Variants in STX18 observed in about 807,000 individuals in gnomAD.
STX18 encodes syntaxin-18.
A neutral mutation model predicts 50.1 loss-of-function variants in STX18; 40 were observed. The observed-to-expected ratio is 0.80, with a 90% CI of 0.62 to 1.04. The LOEUF is 1.04. STX18 is among the 50% of genes least tolerant of loss of function. STX18 has a pLI of 0.00. For synonymous variants in STX18, 158 were observed against 151.8 expected (o/e 1.04, Z -0.30); for missense variants, 410 against 415.8 (o/e 0.99, Z 0.12).
Position 4,420,180 on chromosome 4 carries a change from G to T in STX18, c.913-51C>A. 6.7e-7 allele frequency: 1 copy of T among 1,491,814 alleles called. No individual in the cohort carries two copies. The highest frequency in any genetic ancestry group is 1.2e-5 in the South Asian group (1 of 83,182). 92.4% of individuals were successfully genotyped at this position (1,491,814 alleles called of 1,614,324 possible). On this transcript the variant is annotated intron_variant, in intron 10 of 10. Coordinates refer to ENST00000306200, the MANE Select transcript of STX18 (RefSeq NM_016930.4). The surrounding 1 kb of genome is among the most constrained non-coding windows in gnomAD (Gnocchi z 4.3). ...TTTTTATCACACAGGATTTTGGTTTGAGCAGCCCTGAAATGCCCCCCTCTT... is the reference window on the plus strand; with the variant it reads ...TTTTTATCACACAGGATTTTGGTTTTAGCAGCCCTGAAATGCCCCCCTCTT...
chr4:4,496,622 T>C (rs1729185172), intron 1 of STX18, among the ~76,000 whole-genome samples: 1 of 152,218 alleles, frequency 6.6e-6, no homozygotes, highest in South Asian at 2.1e-4. Flanking sequence ...ATATTTGTGC[T>C]ATTTTATAAT....
At chr4:4,480,144 GTAA>G (rs1463747327) in intron 1 of STX18, among the ~76,000 whole-genome samples, 4 of 152,228 alleles carry the variant, frequency 2.6e-5, no homozygotes, top group Non-Finnish European at 5.9e-5. Context: ...ATTGTAGGTG[GTAA>G]GATTTGGAGA....
chr4:4,541,649 G>T, intron 1 of STX18, 148 bp downstream of exon 1: 1 of 781,054 alleles, frequency 1.3e-6, no homozygotes, highest in Non-Finnish European at 1.9e-6. Context: ...CCAAAAAGCT[G>T]TAGGGTCTCT....
chr4:4,519,534 T>C (rs1221127065), intron 1 of STX18, among the ~76,000 whole-genome samples: 2 of 152,152 alleles, frequency 1.3e-5, no homozygotes, highest in Admixed American at 1.3e-4. Flanking sequence ...GAACAGTTAA[T>C]AGAATTAACA....
At position 4,538,711 on chromosome 4, in the gene STX18, T is replaced by C. The variant is rs78592464; in HGVS notation, c.168+3086A>G. On this transcript the variant is annotated intron_variant, in intron 1 of 10. Transcript: ENST00000306200. ...TATTATCACGTCCACTTTATAGAAATGGAAAACGAGAGTCAGACTTGCCCA... is the reference window on the plus strand; with the variant it reads ...TATTATCACGTCCACTTTATAGAAACGGAAAACGAGAGTCAGACTTGCCCA... 5.1e-3 allele frequency among the ~76,000 whole-genome samples: 776 copies of C among 152,084 alleles called. 8 individuals carry two copies. Among genetic ancestry groups the C allele is most frequent in the South Asian group, 0.042 (204 of 4,812 alleles).
intron 7 of STX18, among the ~76,000 whole-genome samples, chr4:4,427,055 A>G (rs1383947925): frequency 1.3e-5 from 2 of 152,024 alleles, no homozygotes; most frequent in African/African-American, 4.8e-5. Flanking sequence ...TTGGCTCTTC[A>G]AGGACATTTC....
chr4:4,523,310 C>G (rs770346771), intron 1 of STX18, among the ~76,000 whole-genome samples: 33 of 152,342 alleles, frequency 2.2e-4, no homozygotes, highest in Non-Finnish European at 4.3e-4. Flanking sequence ...AGGGACTACT[C>G]TGAGGCCCTC....
In STX18 at chr4:4,434,939, C is replaced by G; in HGVS notation, c.614-81G>C. 13 of 941,538 alleles carry G rather than the reference C, an allele frequency of 1.4e-5. No homozygotes were observed. In the South Asian group the frequency reaches 1.9e-4, roughly 14 times the overall value. The allele number at this position is 941,538 out of a possible 1,614,324, so 58.3% of individuals were successfully genotyped here. A position where few individuals can be genotyped will look rare whatever the true frequency, so the allele number is the denominator to read the frequency against. ...GCTTAGGATGTAGTCATAACACAAA[C>G]AAGAGATTAAACAGAATCTTACAGC... is the stretch of plus-strand genomic sequence containing the variant. On this transcript the variant is annotated intron_variant, in intron 6 of 10. Transcript: ENST00000306200.
At chr4:4,485,330 G>A (rs1242737719) in intron 1 of STX18, among the ~76,000 whole-genome samples, 2 of 152,152 alleles carry the variant, frequency 1.3e-5, no homozygotes, top group African/African-American at 4.8e-5. Context: ...CACTATTTCA[G>A]TCTCACCCAT....
intron 1 of STX18, among the ~76,000 whole-genome samples, chr4:4,509,930 G>C (rs1490625564): frequency 2.6e-5 from 4 of 152,262 alleles, no homozygotes; most frequent in Admixed American, 1.3e-4. Flanking sequence ...TCAAGCATGC[G>C]TGAAGAACAG....
In STX18 at chr4:4,541,807, G is replaced by A; in HGVS notation, c.158C>T (p.Ala53Val). 1 of 1,608,480 alleles carries A rather than the reference G, an allele frequency of 6.2e-7. No homozygotes were observed. Among genetic ancestry groups the A allele is most frequent in the Non-Finnish European group, 8.5e-7 (1 of 1,177,426 alleles). Residue 53 changes from alanine to valine, a missense_variant, in exon 1 of 11, where the codon GCC becomes GTC. Physicochemically the swap from Ala to Val is moderately conservative, Grantham distance 64. Coordinates refer to ENST00000306200, the MANE Select transcript of STX18 (RefSeq NM_016930.4). ...PRPKGDFSSR[A>V]REVISHIGKL... ...TAGCAACCAGCTCACCACTTCGCGG[G>A]CCCGGCTGGAGAAGTCGCCCTTGGG...
chr4:4,447,311 C>T (rs909988098), intron 5 of STX18, among the ~76,000 whole-genome samples: 2 of 150,538 alleles, frequency 1.3e-5, no homozygotes, highest in Admixed American at 6.6e-5. Context: ...GGCTCTGGGC[C>T]GGGCGCGGTG....
intron 1 of STX18, among the ~76,000 whole-genome samples, chr4:4,522,413 T>A (rs1224024231): frequency 6.6e-6 from 1 of 152,208 alleles, no homozygotes; most frequent in Non-Finnish European, 1.5e-5. Context: ...TATGTTATTG[T>A]GGGCACACAG....
intron 1 of STX18, among the ~76,000 whole-genome samples, chr4:4,493,326 A>G (rs1180135055): frequency 1.6e-5 from 2 of 122,416 alleles, no homozygotes; most frequent in Admixed American, 2.3e-4. Flanking sequence ...TCATAGTCCT[A>G]CAAAGAGAAA....
rs145376358 is a variant in STX18, at chr4:4,432,353, C to T, written c.702+2417G>A. Among the ~76,000 whole-genome samples, 321 of 152,380 alleles carry T rather than the reference C, an allele frequency of 2.1e-3. 1 individual carries two copies. Among genetic ancestry groups the T allele is most frequent in the African/African-American group, 7.3e-3 (302 of 41,598 alleles). ...AGCTCCAGCTGCCATCCTGCATGCC[C>T]TGACCCTGCCATGATGGCATGCATG... On this transcript the variant is annotated intron_variant, in intron 7 of 10. Transcript: ENST00000306200.
At chr4:4,490,229 A>T (rs1728882445) in intron 1 of STX18, among the ~76,000 whole-genome samples, 1 of 152,218 alleles carries the variant, frequency 6.6e-6, no homozygotes, top group East Asian at 1.9e-4. Flanking sequence ...CTACAGCATT[A>T]GTCAGCATTA....
At chr4:4,452,921 A>C in intron 5 of STX18, among the ~76,000 whole-genome samples, 1 of 152,208 alleles carries the variant, frequency 6.6e-6, no homozygotes, top group Non-Finnish European at 1.5e-5. Flanking sequence ...GGGGTTCAAG[A>C]CTTCAGTGGA....
At chr4:4,528,434 C>T (rs993851260) in intron 1 of STX18, among the ~76,000 whole-genome samples, 1 of 152,124 alleles carries the variant, frequency 6.6e-6, no homozygotes, top group African/African-American at 2.4e-5. Context: ...CTTCTCTCTT[C>T]TTGTTCTCTC....
At chr4:4,457,321 TTAAA>T in intron 4 of STX18, 64 bp from the exon 5 acceptor site, 1 of 1,574,950 alleles carries the variant, frequency 6.3e-7, no homozygotes, top group African/African-American at 1.4e-5. Flanking sequence ...AAAGCCATCA[TTAAA>T]TATAATGAGA....
Sources: allele counts gnomAD v4.1 joint callset (sites outside exome capture counted in the v4.1 genomes callset), GRCh38; gene constraint gnomAD v4.1.1; non-coding constraint Gnocchi (gnomAD v3.1); transcripts MANE v1.5; gene names NCBI Gene and HGNC (gene_info 2026-07-23, HGNC 2026-07-21).